SLC22A3: variants seen among roughly 807,000 people sequenced by gnomAD.
SLC22A3 encodes solute carrier family 22 member 3, also known as EMT organic cation transporter 3.
A neutral mutation model predicts 59.1 loss-of-function variants in SLC22A3; 51 were observed. That is an observed-to-expected ratio of 0.86 (90% confidence interval 0.69 to 1.09). The LOEUF is 1.09. SLC22A3 is among the 50% of genes least tolerant of loss of function. The probability of loss-of-function intolerance (pLI) is 0.00; values close to 1 mark genes in which losing one functional copy is unlikely to be tolerated. For synonymous variants in SLC22A3, 325 were observed against 292.0 expected, an observed-to-expected ratio of 1.11 and a Z score of -1.15; for missense variants, 711 against 726.3, an observed-to-expected ratio of 0.98 and a Z score of 0.24.
chr6:160,383,674 C>G (rs1330922420), intron 1 of SLC22A3, among the ~76,000 whole-genome samples: 2 of 152,068 alleles, frequency 1.3e-5, no homozygotes, highest in Non-Finnish European at 1.5e-5. Context: ...CCACTCAGAA[C>G]TTTAGGTCAG....
At chr6:160,397,903 A>C in intron 1 of SLC22A3, 76 bp from the exon 2 acceptor site, 1 of 1,109,280 alleles carries the variant, frequency 9.0e-7, no homozygotes, top group Non-Finnish European at 1.4e-6. Flanking sequence ...CAGATCATTG[A>C]TCTATACAAA....
chr6:160,352,769 A>G (rs1294637956), intron 1 of SLC22A3, among the ~76,000 whole-genome samples: 2 of 152,204 alleles, frequency 1.3e-5, no homozygotes, highest in African/African-American at 4.8e-5. Context: ...TGTCCCTCAG[A>G]GTAACTAGTC....
chr6:160,423,138 A>G (rs889821123), intron 5 of SLC22A3, among the ~76,000 whole-genome samples: 1 of 152,170 alleles, frequency 6.6e-6, no homozygotes, highest in Non-Finnish European at 1.5e-5. Context: ...AGCTTCATGC[A>G]TGTCCCTACA....
At chr6:160,354,884 T>TG (rs1346588549) in intron 1 of SLC22A3, among the ~76,000 whole-genome samples, 1 of 152,158 alleles carries the variant, frequency 6.6e-6, no homozygotes, top group Non-Finnish European at 1.5e-5. Context: ...CAGCTTCCCT[T>TG]GAAGCTAGAG....
chr6:160,445,987 G>A (rs1788727757), intron 9 of SLC22A3, among the ~76,000 whole-genome samples: 1 of 152,152 alleles, frequency 6.6e-6, no homozygotes, highest in Non-Finnish European at 1.5e-5. Context: ...CTGAGGGAGT[G>A]GCCCAAGCCC....
intron 7 of SLC22A3, among the ~76,000 whole-genome samples, chr6:160,440,439 C>T (rs1466961873): frequency 1.3e-5 from 2 of 152,194 alleles, no homozygotes; most frequent in Non-Finnish European, 2.9e-5. Flanking sequence ...AGTCCTGCAT[C>T]CTTTCTTCAG....
intron 1 of SLC22A3, among the ~76,000 whole-genome samples, chr6:160,368,435 G>A (rs1488706002): frequency 6.6e-6 from 1 of 151,890 alleles, no homozygotes; most frequent in Non-Finnish European, 1.5e-5. Context: ...CTCCTTCACT[G>A]GTGTTCTTTG....
intron 1 of SLC22A3, among the ~76,000 whole-genome samples, chr6:160,392,140 G>C (rs909569180): frequency 1.3e-5 from 2 of 152,088 alleles, no homozygotes; most frequent in African/African-American, 4.8e-5. Context: ...AGGTGGGATG[G>C]GGAGAAGCAG....
intron 1 of SLC22A3, among the ~76,000 whole-genome samples, chr6:160,364,857 G>A (rs1785148545): frequency 6.6e-6 from 1 of 152,150 alleles, no homozygotes; most frequent in East Asian, 1.9e-4. Context: ...TAATTGAAAA[G>A]GCAATGGCTT....
intron 5 of SLC22A3, 74 bp from the exon 6 acceptor site, chr6:160,436,706 T>A (rs1351103357): frequency 5.5e-6 from 5 of 911,914 alleles, no homozygotes; most frequent in Non-Finnish European, 8.7e-6. Context: ...TGATTCTGGT[T>A]AATGACAAGT....
At chr6:160,398,917 C>T (rs1404905265) in intron 2 of SLC22A3, among the ~76,000 whole-genome samples, 2 of 152,162 alleles carry the variant, frequency 1.3e-5, no homozygotes, top group Admixed American at 1.3e-4. Flanking sequence ...TCTGGTTAAT[C>T]GAGCCCAGCC....
chr6:160,391,196 G>C (rs1786241235), intron 1 of SLC22A3, among the ~76,000 whole-genome samples: 1 of 151,984 alleles, frequency 6.6e-6, no homozygotes, highest in Non-Finnish European at 1.5e-5. Flanking sequence ...TGTTGAGGGA[G>C]GGGGGAAGCC....
chr6:160,426,291 C>T (rs974157745), intron 5 of SLC22A3: 29 of 985,302 alleles, frequency 2.9e-5, no homozygotes, highest in Non-Finnish European at 3.4e-5. Flanking sequence ...GAGGAAATTC[C>T]GAGATGACAG....
At chr6:160,434,373 A>T (rs1398725806) in intron 5 of SLC22A3, among the ~76,000 whole-genome samples, 1 of 152,218 alleles carries the variant, frequency 6.6e-6, no homozygotes, top group African/African-American at 2.4e-5. Flanking sequence ...GGGGATCAGG[A>T]ACACAGGCTC....
intron 1 of SLC22A3, among the ~76,000 whole-genome samples, chr6:160,392,308 C>G (rs1022318293): frequency 1.3e-5 from 2 of 152,158 alleles, no homozygotes; most frequent in Admixed American, 6.6e-5. Context: ...ATTGTGGGAC[C>G]TTCTCTGGTC....
rs573556804 is a variant in SLC22A3 at position 160,367,066 on chromosome 6, C to A, written c.429+18218C>A. On this transcript the variant is annotated intron_variant, in intron 1 of 10. Transcript: ENST00000275300. ...TAGCAGCACCCCATTCTCTGGAGTACCAATTTACTATATTAGTCCATTCTT... is the reference window on the plus strand; with the variant it reads ...TAGCAGCACCCCATTCTCTGGAGTAACAATTTACTATATTAGTCCATTCTT... Among the ~76,000 whole-genome samples, 4 of 152,184 alleles carry A rather than the reference C, an allele frequency of 2.6e-5. No individual in the cohort carries two copies. The South Asian group carries it at 8.3e-4, about 32-fold the overall frequency.
chr6:160,445,798 A>G (rs1788716307), intron 9 of SLC22A3, among the ~76,000 whole-genome samples: 1 of 152,232 alleles, frequency 6.6e-6, no homozygotes, highest in Non-Finnish European at 1.5e-5. Context: ...GCACTGTAGC[A>G]GCAAGGCTGA....
At chr6:160,366,047 C>T (rs906722853) in intron 1 of SLC22A3, among the ~76,000 whole-genome samples, 1 of 152,142 alleles carries the variant, frequency 6.6e-6, no homozygotes, top group African/African-American at 2.4e-5. Flanking sequence ...ATGAGAACTA[C>T]AATTCAAGAT....
At chr6:160,399,325 A>G (rs1237175573) in intron 2 of SLC22A3, among the ~76,000 whole-genome samples, 3 of 151,932 alleles carry the variant, frequency 2.0e-5, no homozygotes, top group Non-Finnish European at 4.4e-5. Context: ...TGCTGGCTAC[A>G]ATTTGGAACT....
Sources: allele counts gnomAD v4.1 joint callset (sites outside exome capture counted in the v4.1 genomes callset), GRCh38; gene constraint gnomAD v4.1.1; transcripts MANE v1.5; gene names NCBI Gene and HGNC (gene_info 2026-07-23, HGNC 2026-07-21).